FHAD1: variants seen among roughly 807,000 people sequenced by gnomAD.
The protein encoded by FHAD1 is forkhead associated phosphopeptide binding domain 1, also known as forkhead-associated domain-containing protein 1.
Under a neutral mutation model 191.3 loss-of-function variants are expected in FHAD1, and 146 were observed. That is an observed-to-expected ratio of 0.76 (90% CI 0.67 to 0.88). The LOEUF is 0.88. Among genes scored for constraint, FHAD1 ranks in the 40% least tolerant of loss-of-function variants. The pLI is 0.00. For synonymous variants in FHAD1, 616 were observed against 672.3 expected (o/e 0.92, Z 1.29); for missense variants, 1,635 against 1,785.8 (o/e 0.92, Z 1.52).
chr1:15,313,871 G>C (rs1673073359), intron 8 of FHAD1, among the ~76,000 whole-genome samples: 1 of 151,960 alleles, frequency 6.6e-6, no homozygotes, highest in Admixed American at 6.6e-5. Context: ...AGGAGTTTGA[G>C]GCCAGCCTGG....
Position 15,381,191 on chromosome 1 carries a change from C to A in FHAD1, c.3802-40C>A. 1.4e-6 allele frequency: 2 copies of A among 1,432,032 alleles called. No homozygotes were observed. The highest frequency in any genetic ancestry group is 5.0e-5 in the East Asian group (2 of 40,160). 88.7% of individuals were successfully genotyped at this position (1,432,032 alleles called of 1,614,324 possible). ...CCTCCTTAAAGCGGCCACCAGCGGCCGCGGGTAATGCCTCTTATGCGCGAA... is the reference window on the plus strand; with the variant it reads ...CCTCCTTAAAGCGGCCACCAGCGGCAGCGGGTAATGCCTCTTATGCGCGAA... On this transcript the variant is annotated intron_variant, in intron 29 of 33. Transcript: ENST00000688493. The surrounding 1 kb of genome is among the most constrained non-coding windows in gnomAD (Gnocchi z 4.6).
chr1:15,290,527 C>T (rs1041863668), intron 4 of FHAD1, among the ~76,000 whole-genome samples: 1 of 152,122 alleles, frequency 6.6e-6, no homozygotes, highest in Non-Finnish European at 1.5e-5. Context: ...TCACCTTCCT[C>T]AGTCACTAAA....
Position 15,381,450 on chromosome 1 carries a change from A to G in FHAD1, c.4021A>G (p.Arg1341Gly), listed in dbSNP as rs181178205. ...RGYEKDVEQL[R>G]RSKVSIEMYQ... ...ATATGAAAAGGACGTTGAACAGCTC[A>G]GGTACCTCGGCACCCCCATGTCCCC... The change falls in exon 30 of 34, where the codon AGG becomes GGG. Residue 1341 changes from arginine to glycine, a missense_variant and splice_region_variant. Arg to Gly is a moderately radical substitution (Grantham distance 125). Coordinates refer to ENST00000688493, the MANE Select transcript of FHAD1 (RefSeq NM_001391957.1). The surrounding 1 kb of genome is among the most constrained non-coding windows in gnomAD (Gnocchi z 4.6). The G allele has an allele frequency of 3.5e-4, 541 of 1,550,482 alleles. 2 individuals carry two copies. The African/African-American group carries it at 5.4e-3, about 15-fold the overall frequency.
At position 15,378,486 on chromosome 1, in the gene FHAD1, C is replaced by T. The variant is rs182106938; in HGVS notation, c.3706-2215C>T. Among the ~76,000 whole-genome samples the T allele has an allele frequency of 9.5e-4, 145 of 152,308 alleles. 1 individual carries two copies. The highest frequency in any genetic ancestry group is 3.4e-3 in the African/African-American group (140 of 41,564). On this transcript the variant is annotated intron_variant, in intron 28 of 33. Coordinates refer to ENST00000688493, the MANE Select transcript of FHAD1 (RefSeq NM_001391957.1). ...AGCCTGGACTCTTCCTTAGGTCACCCTCCCTCCGGACTCCTGCAAGCTGCA... is the reference window on the plus strand; with the variant it reads ...AGCCTGGACTCTTCCTTAGGTCACCTTCCCTCCGGACTCCTGCAAGCTGCA...
At chr1:15,367,027 C>A (rs559021891) in intron 24 of FHAD1, among the ~76,000 whole-genome samples, 9 of 152,310 alleles carry the variant, frequency 5.9e-5, no homozygotes, top group South Asian at 2.1e-4. Context: ...CCTGTTAACA[C>A]CCCCAAGACA....
chr1:15,257,583 C>CTCTGGCGTCCTGT, intron 2 of FHAD1, among the ~76,000 whole-genome samples: 1 of 152,066 alleles, frequency 6.6e-6, no homozygotes, highest in East Asian at 1.9e-4. Flanking sequence ...AGGCGTCCTG[C>CTCTGGCGTCCTGT]GCTCTGTGAT....
Position 15,374,494 on chromosome 1 carries a change from G to T in FHAD1, c.3448-8G>T. On this transcript the variant is annotated splice_polypyrimidine_tract_variant and splice_region_variant and intron_variant, in intron 26 of 33. Transcript: ENST00000688493. ...GATCAAATGCTGCCCGCCCCATTCT[G>T]CCCACAGCAGCAATCCTTCAGCGAT... The T allele has an allele frequency of 2.6e-6, 4 of 1,551,682 alleles. No individual in the cohort carries two copies. The highest frequency in any genetic ancestry group is 3.5e-6 in the Non-Finnish European group (4 of 1,146,980).
intron 18 of FHAD1, among the ~76,000 whole-genome samples, chr1:15,348,707 C>A (rs139088979): frequency 0.012 from 1,852 of 152,244 alleles, 16 homozygotes; most frequent in Non-Finnish European, 0.018. Flanking sequence ...CCGCTGCTCC[C>A]GGGTGCCCTG....
At chr1:15,388,155 C>T (rs1022686545) in intron 32 of FHAD1, 24 bp downstream of exon 32, 2 of 1,265,180 alleles carry the variant, frequency 1.6e-6, no homozygotes, top group Non-Finnish European at 2.1e-6. Flanking sequence ...TCTGATGTTG[C>T]AGACACAGAG....
Position 15,324,479 on chromosome 1 carries a change from A to G in FHAD1, c.1393A>G (p.Arg465Gly). ...KVEEKLQEDS[R>G]RKLLQLQEMG... ...TGAAGAGAAGCTTCAGGAGGATTCC[A>G]GAAGGAAATTGCTTCAGCTGCAAGA... is the stretch of plus-strand genomic sequence containing the variant. The change falls in exon 11 of 34, where the codon AGA (arginine) becomes GGA (glycine). Residue 465 changes from arginine to glycine, a missense_variant. Coordinates refer to ENST00000688493, the MANE Select transcript of FHAD1 (RefSeq NM_001391957.1). 6.4e-7 allele frequency: 1 copy of G among 1,552,112 alleles called. No homozygotes were observed. The highest frequency in any genetic ancestry group is 8.7e-7 in the Non-Finnish European group (1 of 1,146,900).
intron 14 of FHAD1, among the ~76,000 whole-genome samples, chr1:15,338,750 C>A (rs1025601569): frequency 6.6e-6 from 1 of 152,192 alleles, no homozygotes; most frequent in Admixed American, 6.5e-5. Flanking sequence ...TGATCTCCCC[C>A]TCCTCTGACA....
intron 13 of FHAD1, 106 bp downstream of exon 13, chr1:15,328,535 T>A: frequency 1.0e-6 from 1 of 976,606 alleles, no homozygotes; most frequent in Non-Finnish European, 1.4e-6. Flanking sequence ...CAGAAATGCT[T>A]GGCTTTTCTA....
At position 15,375,735 on chromosome 1, in the gene FHAD1, C is replaced by T; in HGVS notation, c.3705+5C>T. ...TCAAGAATAGAGATCCTAGCGGTAACCAAAGAAAATTCTCTCTGCTGTGAC... is the reference window on the plus strand; with the variant it reads ...TCAAGAATAGAGATCCTAGCGGTAATCAAAGAAAATTCTCTCTGCTGTGAC... On this transcript the variant is annotated splice_donor_5th_base_variant and intron_variant, in intron 28 of 33. Coordinates refer to ENST00000688493, the MANE Select transcript of FHAD1 (RefSeq NM_001391957.1). 6.5e-7 allele frequency: 1 copy of T among 1,528,854 alleles called. No individual in the cohort carries two copies. The highest frequency in any genetic ancestry group is 8.8e-7 in the Non-Finnish European group (1 of 1,140,080). The allele number at this position is 1,528,854 out of a possible 1,614,324, so 94.7% of individuals were successfully genotyped here.
chr1:15,345,597 G>A (rs558547523), intron 18 of FHAD1, 74 bp downstream of exon 18: 56 of 1,175,678 alleles, frequency 4.8e-5, no homozygotes, highest in East Asian at 3.3e-4. Context: ...TCAGAGCGGC[G>A]ATGATGGGGG....
At chr1:15,388,257 T>TCCCTC (rs1702680338) in intron 32 of FHAD1, 126 bp downstream of exon 32, 3 of 402,120 alleles carry the variant, frequency 7.5e-6, no homozygotes, top group South Asian at 2.0e-5. Flanking sequence ...CTCCTTCCCT[T>TCCCTC]CCCTCCCCAG....
intron 25 of FHAD1, among the ~76,000 whole-genome samples, chr1:15,368,724 G>A (rs975781123): frequency 3.0e-4 from 45 of 152,162 alleles, no homozygotes; most frequent in African/African-American, 9.7e-4. Flanking sequence ...TGAATCACCC[G>A]AGGTCAGGAG....
In FHAD1 at chr1:15,339,514, A is replaced by G. The variant is rs1002360009; in HGVS notation, c.1940A>G (p.His647Arg). The G allele has an allele frequency of 2.3e-6, 3 of 1,287,242 alleles. No homozygotes were observed. In the African/African-American group the frequency reaches 4.6e-5, roughly 20 times the overall value. The allele number at this position is 1,287,242 out of a possible 1,614,324, so 79.7% of individuals were successfully genotyped here. A position where few individuals can be genotyped will look rare whatever the true frequency, so the allele number is the denominator to read the frequency against. Residue 647 changes from histidine (H) to arginine (R), a missense_variant, in exon 15 of 34, where the codon CAT becomes CGT. By Grantham distance (29) the His-to-Arg change is conservative. Transcript: ENST00000688493. ...FSLYLIYLLE[H>R]YKKLMSQAQE... ...TTGTATCTGATATATCTTCTGGAACATTATAAAAAACTTATGAGCCAGGCC... is the reference window on the plus strand; with the variant it reads ...TTGTATCTGATATATCTTCTGGAACGTTATAAAAAACTTATGAGCCAGGCC...
chr1:15,398,418 G>A (rs1706642935), downstream of FHAD1, among the ~76,000 whole-genome samples: 1 of 152,192 alleles, frequency 6.6e-6, no homozygotes, highest in South Asian at 2.1e-4. Context: ...CCTGCCCCTG[G>A]GAGGTAAATA....
intron 16 of FHAD1, among the ~76,000 whole-genome samples, chr1:15,342,625 T>C (rs896016123): frequency 5.9e-5 from 9 of 152,176 alleles, no homozygotes; most frequent in Admixed American, 5.2e-4. Flanking sequence ...GAAACTGTAT[T>C]ATTTAATGAG....
Sources: gnomAD v4.1 joint callset for allele counts (sites outside exome capture counted in the v4.1 genomes callset) on GRCh38, gnomAD v4.1.1 for gene constraint, Gnocchi (gnomAD v3.1) non-coding constraint, MANE v1.5 for transcripts, NCBI Gene and HGNC (gene_info 2026-07-23, HGNC 2026-07-21) for gene names.